Variants in MMP2 observed in about 807,000 individuals in gnomAD.
MMP2 encodes the protein matrix metallopeptidase 2, also known as 72 kDa type IV collagenase.
In MMP2, 39 loss-of-function variants were observed where a neutral mutation model predicts 74.8. The observed-to-expected ratio is 0.52, with a 90% CI of 0.40 to 0.68. The LOEUF is 0.68. MMP2 is among the 30% of genes least tolerant of loss of function. The probability of loss-of-function intolerance (pLI) is 0.00; values close to 1 mark genes in which losing one functional copy is unlikely to be tolerated. For synonymous variants in MMP2, 367 were observed against 339.8 expected (o/e 1.08, Z -0.88); for missense variants, 803 against 878.3 (o/e 0.91, Z 1.08).
At chr16:55,493,092 G>T in intron 8 of MMP2, 66 bp from the exon 9 acceptor site, 4 of 1,601,970 alleles carry the variant, frequency 2.5e-6, no homozygotes, top group African/African-American at 1.3e-5. Flanking sequence ...GGCACCCCTG[G>T]GGGCTCACCC....
At chr16:55,484,448 G>A (rs1341340628) in intron 3 of MMP2, among the ~76,000 whole-genome samples, 1 of 152,200 alleles carries the variant, frequency 6.6e-6, no homozygotes, top group African/African-American at 2.4e-5. Context: ...CCATTAGGCA[G>A]AATATACATG....
At chr16:55,486,788 C>G (rs1962272563) in intron 5 of MMP2, 2 of 152,128 alleles carry the variant, frequency 1.3e-5, no homozygotes, top group African/African-American at 4.8e-5. Flanking sequence ...TTTCCCATGT[C>G]ACAAAGACTC....
intron 11 of MMP2, among the ~76,000 whole-genome samples, chr16:55,499,452 C>T (rs1179303935): frequency 1.3e-5 from 2 of 152,190 alleles, no homozygotes; most frequent in Non-Finnish European, 1.5e-5. Context: ...AGCAGGTGCC[C>T]TGTGTCATGC....
Position 55,504,026 on chromosome 16 carries a change from C to T in MMP2, c.1879+1138C>T, listed in dbSNP as rs557342962. Among the ~76,000 whole-genome samples, 12 of 152,172 alleles carry T rather than the reference C, an allele frequency of 7.9e-5. No homozygotes were observed. In the East Asian group the frequency reaches 1.9e-3, roughly 24 times the overall value. On this transcript the variant is annotated intron_variant, in intron 12 of 12. Transcript: ENST00000219070. ...AAAAAACATTAGCTACACATGACGGCGCATACCTGTAGTCCCAGCTACTGG... is the reference window on the plus strand; with the variant it reads ...AAAAAACATTAGCTACACATGACGGTGCATACCTGTAGTCCCAGCTACTGG...
At position 55,493,362 on chromosome 16, in the gene MMP2, C is replaced by G. The variant is rs1368775425; in HGVS notation, c.1472+69C>G. ...TCTGCTCTTATACCATTATTCTTTTCCCTCACTCTTCGCTGAAGACTCCGC... is the reference window on the plus strand; with the variant it reads ...TCTGCTCTTATACCATTATTCTTTTGCCTCACTCTTCGCTGAAGACTCCGC... On this transcript the variant is annotated intron_variant, in intron 9 of 12. Transcript: ENST00000219070. The G allele has an allele frequency of 5.6e-6, 9 of 1,601,932 alleles. No individual in the cohort carries two copies. In the Admixed American group the frequency reaches 1.5e-4, roughly 27 times the overall value.
intron 1 of MMP2, chr16:55,480,571 G>A (rs1962073333): frequency 6.6e-6 from 1 of 152,458 alleles, no homozygotes. Context: ...CTGGCTGGAG[G>A]GGCACTGAGC....
chr16:55,482,775 G>T, intron 1 of MMP2, 134 bp from the exon 2 acceptor site: 1 of 770,674 alleles, frequency 1.3e-6, no homozygotes, highest in Non-Finnish European at 2.2e-6. Flanking sequence ...TCCACCCAGT[G>T]CTCTGGGACC....
Position 55,506,634 on chromosome 16 carries a change from C to T in MMP2, c.*1192C>T, listed in dbSNP as rs1009399648. On this transcript the variant is annotated 3_prime_UTR_variant, in exon 13 of 13. Transcript: ENST00000219070. ...CTTTTCACGTGTCACCTATTTTAAC[C>T]TTTCCAACCACATAAATAAAAAAGG... 1.3e-5 allele frequency: 2 copies of T among 152,172 alleles called. No homozygotes were observed. The highest frequency in any genetic ancestry group is 2.9e-5 in the Non-Finnish European group (2 of 68,042). 9.4% of individuals were successfully genotyped at this position (152,172 alleles called of 1,614,324 possible).
At chr16:55,485,553 C>T (rs751797452) in intron 4 of MMP2, 51 bp from the exon 5 acceptor site, 34 of 1,612,840 alleles carry the variant, frequency 2.1e-5, no homozygotes, top group Non-Finnish European at 2.6e-5. Flanking sequence ...ATCTTGGTCT[C>T]CAAAGAAGGC....
At chr16:55,503,543 G>A (rs1186979361) in intron 12 of MMP2, among the ~76,000 whole-genome samples, 1 of 151,642 alleles carries the variant, frequency 6.6e-6, no homozygotes, top group Non-Finnish European at 1.5e-5. Flanking sequence ...CTAAGCACAG[G>A]CCCTGACCTC....
chr16:55,497,195 G>A (rs574819694), intron 10 of MMP2, 133 bp downstream of exon 10: 5 of 1,217,902 alleles, frequency 4.1e-6, no homozygotes, highest in Non-Finnish European at 5.9e-6. Context: ...TTCCTTTATG[G>A]ATTCATTCTT....
At chr16:55,499,839 T>A (rs1365558548) in intron 11 of MMP2, among the ~76,000 whole-genome samples, 5 of 151,728 alleles carry the variant, frequency 3.3e-5, no homozygotes, top group Non-Finnish European at 5.9e-5. Flanking sequence ...CACAAAGACT[T>A]GTGGTGTGTC....
rs753348199 is a variant in MMP2 at position 55,488,674 on chromosome 16, G to T, written c.964G>T (p.Asp322Tyr). The T allele has an allele frequency of 6.2e-6, 10 of 1,612,064 alleles. No homozygotes were observed. The highest frequency in any genetic ancestry group is 5.5e-5 in the South Asian group (5 of 90,678). The change falls in exon 6 of 13, where the codon GAC (aspartate) becomes TAC (tyrosine). Residue 322 changes from aspartate to tyrosine, a missense_variant. Physicochemically the swap from Asp to Tyr is radical, Grantham distance 160 (BLOSUM62 -3). Coordinates refer to ENST00000219070, the MANE Select transcript of MMP2 (RefSeq NM_004530.6). Reference protein sequence around the residue: ...DGYRWCGTTEDYDRDKKYGFC... With the variant: ...DGYRWCGTTEYYDRDKKYGFC... ...CTACCGCTGGTGCGGCACCACTGAG[G>T]ACTACGACCGCGACAAGAAGTATGG...
rs1456022319 is a variant in MMP2 at position 55,482,824 on chromosome 16, G to A, written c.154-85G>A. On this transcript the variant is annotated intron_variant, in intron 1 of 12. Transcript: ENST00000219070. ...CTGTCTGGACTATGGCACTGGGTTG[G>A]GGGGCTGATTGCTACAGCCTGCTTT... is the stretch of plus-strand genomic sequence containing the variant. 3.5e-5 allele frequency: 40 copies of A among 1,155,218 alleles called. No homozygotes were observed. The African/African-American group carries it at 4.9e-4, about 14-fold the overall frequency. The allele number at this position is 1,155,218 out of a possible 1,614,324, so 71.6% of individuals were successfully genotyped here. A position where few individuals can be genotyped will look rare whatever the true frequency, so the allele number is the denominator to read the frequency against.
chr16:55,491,906 A>G lies in MMP2; in HGVS notation c.1286A>G (p.Lys429Arg). ...ATGGCACCCATTTACACCTACACCA[A>G]GAACTTCCGTCTGTCCCAGGATGAC... ...ALMAPIYTYT[K>R]NFRLSQDDIK... Residue 429 changes from lysine (K) to arginine (R), a missense_variant, in exon 8 of 13, where the codon AAG becomes AGG. Physicochemically the swap from Lys to Arg is conservative, Grantham distance 26. Coordinates refer to ENST00000219070, the MANE Select transcript of MMP2 (RefSeq NM_004530.6). 1 of 1,612,432 alleles carries G rather than the reference A, an allele frequency of 6.2e-7. No homozygotes were observed. The highest frequency in any genetic ancestry group is 8.5e-7 in the Non-Finnish European group (1 of 1,179,254).
At position 55,504,798 on chromosome 16, in the gene MMP2, G is replaced by A. The variant is rs193202668; in HGVS notation, c.1880-541G>A. ...CTCCCGAGTAGCTGGGACTACAGGC[G>A]CCTACCACCACGCCCGGCTAATTTT... On this transcript the variant is annotated intron_variant, in intron 12 of 12. Coordinates refer to ENST00000219070, the MANE Select transcript of MMP2 (RefSeq NM_004530.6). 2.0e-3 allele frequency among the ~76,000 whole-genome samples: 300 copies of A among 151,666 alleles called. 1 individual carries two copies. The highest frequency in any genetic ancestry group is 6.9e-3 in the African/African-American group (285 of 41,344).
chr16:55,491,776 C>T, intron 7 of MMP2, 25 bp from the exon 8 acceptor site: 1 of 1,614,056 alleles, frequency 6.2e-7, no homozygotes, highest in East Asian at 2.2e-5. Flanking sequence ...GTCTTTCAAC[C>T]CTCTCTCCTC....
intron 9 of MMP2, among the ~76,000 whole-genome samples, chr16:55,496,217 C>T (rs1209761047): frequency 6.6e-6 from 1 of 152,148 alleles, no homozygotes; most frequent in African/African-American, 2.4e-5. Flanking sequence ...GACGCAGATG[C>T]TGCTGGTCAG....
At chr16:55,483,965 A>G (rs752276675) in intron 2 of MMP2, 51 bp from the exon 3 acceptor site, 5 of 1,593,964 alleles carry the variant, frequency 3.1e-6, no homozygotes, top group Admixed American at 1.7e-5. Context: ...TTGCATATAC[A>G]TACACTTATG....
Sources: gnomAD v4.1 joint callset for allele counts (sites outside exome capture counted in the v4.1 genomes callset) on GRCh38, gnomAD v4.1.1 for gene constraint, MANE v1.5 for transcripts, NCBI Gene and HGNC (gene_info 2026-07-23, HGNC 2026-07-21) for gene names.